Variants in CPD observed in about 807,000 individuals in gnomAD.
CPD encodes carboxypeptidase D.
Under a neutral mutation model 138.3 loss-of-function variants are expected in CPD, and 69 were observed. That is an observed-to-expected ratio of 0.50 (90% confidence interval 0.41 to 0.61). The LOEUF is 0.61. Among genes scored for constraint, CPD ranks in the 20% least tolerant of loss-of-function variants. The pLI is 0.00. For synonymous variants in CPD, 651 were observed against 642.1 expected, an observed-to-expected ratio of 1.01 and a Z score of -0.21; for missense variants, 1,432 against 1,733.3, an observed-to-expected ratio of 0.83 and a Z score of 3.09.
Position 30,379,019 on chromosome 17 carries a change from A to G in CPD, c.39A>G (p.Leu13=). 6.4e-7 allele frequency: 1 copy of G among 1,554,714 alleles called. No individual in the cohort carries two copies. The highest frequency in any genetic ancestry group is 8.6e-7 in the Non-Finnish European group (1 of 1,159,344). Residue 13 remains leucine (L), a synonymous_variant, in exon 1 of 21, where the codon CTA becomes CTG. Transcript: ENST00000225719. The surrounding 1 kb of genome is among the most constrained non-coding windows in gnomAD (Gnocchi z 7.0). ...SGRDERPPWR[L]GRLLLLMCLL... ...GGGACGAGCGGCCGCCTTGGCGGCT[A>G]GGGCGGCTCCTGTTGCTCATGTGCC...
chr17:30,409,831 A>G (rs1198485584), intron 2 of CPD, among the ~76,000 whole-genome samples: 2 of 151,716 alleles, frequency 1.3e-5, no homozygotes, highest in African/African-American at 2.4e-5. Flanking sequence ...ATTTTTTTTG[A>G]ATGGTTTTTT....
chr17:30,457,756 C>G lies in CPD; in HGVS notation c.3498+1230C>G, dbSNP rs567654791. Among the ~76,000 whole-genome samples the G allele has an allele frequency of 2.5e-3, 380 of 152,112 alleles. 1 individual carries two copies. Among genetic ancestry groups the G allele is most frequent in the African/African-American group, 8.8e-3 (363 of 41,482 alleles). ...TCGCAGCTTATTGCAGCCTGAACCT[C>G]CCAGGCCCAAGCAATCCCCCCACCT... On this transcript the variant is annotated intron_variant, in intron 17 of 20. Coordinates refer to ENST00000225719, the MANE Select transcript of CPD (RefSeq NM_001304.5).
chr17:30,420,024 G>A (rs770405650), intron 2 of CPD, among the ~76,000 whole-genome samples: 2 of 152,096 alleles, frequency 1.3e-5, no homozygotes, highest in Non-Finnish European at 2.9e-5. Context: ...AGTTACACCC[G>A]CTCCTTTCTC....
At chr17:30,436,518 G>C (rs1014025251) in intron 8 of CPD, among the ~76,000 whole-genome samples, 6 of 152,164 alleles carry the variant, frequency 3.9e-5, no homozygotes, top group Non-Finnish European at 8.8e-5. Flanking sequence ...CACATGAAAA[G>C]ATGCTCAATA....
At chr17:30,412,893 C>G (rs1912004180) in intron 2 of CPD, among the ~76,000 whole-genome samples, 1 of 152,182 alleles carries the variant, frequency 6.6e-6, no homozygotes, top group Non-Finnish European at 1.5e-5. Flanking sequence ...CACCCACTGT[C>G]CAACCAGTCC....
At chr17:30,444,864 G>A (rs75667624) in intron 11 of CPD, among the ~76,000 whole-genome samples, 5 of 151,896 alleles carry the variant, frequency 3.3e-5, no homozygotes, top group Non-Finnish European at 5.9e-5. Flanking sequence ...CATTTTAGTC[G>A]TTGCCTTTGT....
At chr17:30,380,483 T>G in intron 1 of CPD, 1 of 1,311,136 alleles carries the variant, frequency 7.6e-7, no homozygotes, top group Non-Finnish European at 9.7e-7. Flanking sequence ...ATGTCATTTG[T>G]GCACCTTATT....
In CPD at chr17:30,420,905, T is replaced by C. The variant is rs1912248612; in HGVS notation, c.1059T>C (p.Cys353=). 6 of 1,613,666 alleles carry C rather than the reference T, an allele frequency of 3.7e-6. No homozygotes were observed. The highest frequency in any genetic ancestry group is 4.2e-6 in the Non-Finnish European group (5 of 1,179,730). ...TTGAGATCACATTAGAACTGTCTTG[T>C]TGCAAGTACCCACCTGCTTCACAGC... ...NCFEITLELS[C]CKYPPASQLR... is the part of the protein sequence containing the mutation. Residue 353 remains cysteine, a synonymous_variant, in exon 3 of 21, where the codon TGT becomes TGC. Coordinates refer to ENST00000225719, the MANE Select transcript of CPD (RefSeq NM_001304.5).
In CPD at chr17:30,467,091, A is replaced by G. The variant is rs1180792980; in HGVS notation, c.*2277A>G. 6.6e-6 allele frequency: 1 copy of G among 152,590 alleles called. No individual in the cohort carries two copies. Among genetic ancestry groups the G allele is most frequent in the Non-Finnish European group, 1.5e-5 (1 of 68,012 alleles). The allele number at this position is 152,590 out of a possible 1,614,324, so 9.5% of individuals were successfully genotyped here. On this transcript the variant is annotated 3_prime_UTR_variant, in exon 21 of 21. Transcript: ENST00000225719. ...GTCTTTTATTTGCGGGTCTAATCTAATATTAGAATATATTAACCGCTTAAG... is the reference window on the plus strand; with the variant it reads ...GTCTTTTATTTGCGGGTCTAATCTAGTATTAGAATATATTAACCGCTTAAG...
chr17:30,423,972 G>A (rs1008171879), intron 6 of CPD, among the ~76,000 whole-genome samples: 2 of 152,014 alleles, frequency 1.3e-5, no homozygotes, highest in South Asian at 2.1e-4. Flanking sequence ...TTTTATTTTA[G>A]CAATAGTTCT....
chr17:30,442,274 T>C (rs1308961459), intron 9 of CPD, 34 bp from the exon 10 acceptor site: 1 of 1,604,974 alleles, frequency 6.2e-7, no homozygotes, highest in African/African-American at 1.3e-5. Flanking sequence ...TTAGAACTTC[T>C]TCAGAGTGAC....
chr17:30,459,371 C>A (rs1913403496), intron 17 of CPD, among the ~76,000 whole-genome samples: 1 of 146,238 alleles, frequency 6.8e-6, no homozygotes, highest in Non-Finnish European at 1.5e-5. Flanking sequence ...TAATGCTATC[C>A]CTCCCCCGAC....
intron 2 of CPD, among the ~76,000 whole-genome samples, chr17:30,393,507 T>C (rs539010934): frequency 1.3e-5 from 2 of 152,202 alleles, no homozygotes; most frequent in South Asian, 4.1e-4. Flanking sequence ...AAATACAATA[T>C]CTGATATTAA....
At chr17:30,426,607 G>C (rs73277578) in intron 6 of CPD, among the ~76,000 whole-genome samples, 1,952 of 152,330 alleles carry the variant, frequency 0.013, 36 homozygotes, top group African/African-American at 0.041. Flanking sequence ...AGGTTCTACA[G>C]TAGTGATGTT....
intron 7 of CPD, 72 bp from the exon 8 acceptor site, chr17:30,431,700 T>C: frequency 1.0e-6 from 1 of 989,590 alleles, no homozygotes. Flanking sequence ...CTGGCAGTAT[T>C]CTGAAAAGCT....
At chr17:30,405,577 T>C (rs1334968962) in intron 2 of CPD, among the ~76,000 whole-genome samples, 2 of 152,172 alleles carry the variant, frequency 1.3e-5, no homozygotes, top group African/African-American at 4.8e-5. Context: ...TGGTTTTAAA[T>C]ACCTTGATCA....
intron 2 of CPD, among the ~76,000 whole-genome samples, chr17:30,400,956 C>T (rs1331024968): frequency 2.0e-5 from 3 of 151,520 alleles, no homozygotes; most frequent in Non-Finnish European, 4.4e-5. Context: ...GGATTACAGG[C>T]GTGAGCCACT....
rs1219078776 is a variant in CPD, at chr17:30,451,734, G to A, written c.3093G>A (p.Val1031=). The part of the protein sequence containing the change: ...VTQLVDRTRI[V]IVPSLNPDGR... Reference sequence around the variant, plus strand: ...AGTTGGTTGACAGGACTAGGATTGTGATTGTCCCTTCTCTAAATCCAGATG... The same window carrying A: ...AGTTGGTTGACAGGACTAGGATTGTAATTGTCCCTTCTCTAAATCCAGATG... Residue 1031 remains valine (V), a synonymous_variant, in exon 14 of 21, where the codon GTG becomes GTA. Transcript: ENST00000225719. The A allele has an allele frequency of 1.9e-6, 3 of 1,614,058 alleles. No homozygotes were observed. Among genetic ancestry groups the A allele is most frequent in the Non-Finnish European group, 2.5e-6 (3 of 1,179,960 alleles).
At chr17:30,386,923 A>G (rs1911207080) in intron 2 of CPD, among the ~76,000 whole-genome samples, 1 of 152,348 alleles carries the variant, frequency 6.6e-6, no homozygotes, top group African/African-American at 2.4e-5. Context: ...GTTGGCGTTC[A>G]GGTATCTGTA....
Sources: allele counts gnomAD v4.1 joint callset (sites outside exome capture counted in the v4.1 genomes callset), GRCh38; gene constraint gnomAD v4.1.1; non-coding constraint Gnocchi (gnomAD v3.1); transcripts MANE v1.5; gene names NCBI Gene and HGNC (gene_info 2026-07-23, HGNC 2026-07-21).